The following LPP variants were observed in gnomAD, a reference collection of about 807,000 sequenced individuals.
LPP encodes the protein LIM domain containing preferred translocation partner in lipoma.
A neutral mutation model predicts 60.4 loss-of-function variants in LPP; 38 were observed. That is an observed-to-expected ratio of 0.63 (90% CI 0.49 to 0.83). The LOEUF is 0.83. Ranked by LOEUF, LPP falls within the 40% of genes least tolerant of loss-of-function variation. The pLI is 0.00. For missense variants in LPP, 902 were observed against 783.6 expected, an observed-to-expected ratio of 1.15 and a Z score of -1.80; for synonymous variants, 328 against 290.8, an observed-to-expected ratio of 1.13 and a Z score of -1.30.
intron 4 of LPP, among the ~76,000 whole-genome samples, chr3:188,413,284 T>A (rs1258941087): frequency 6.6e-6 from 1 of 152,154 alleles, no homozygotes; most frequent in South Asian, 2.1e-4. Context: ...CTTTTCCCCA[T>A]GCAAAGAGAA....
At chr3:188,583,210 T>G (rs374415343) in intron 6 of LPP, among the ~76,000 whole-genome samples, 32 of 152,276 alleles carry the variant, frequency 2.1e-4, no homozygotes, top group African/African-American at 7.5e-4. Context: ...ATAGGAACAG[T>G]AATTGAACTT....
At chr3:188,539,154 G>A (rs1824448494) in intron 6 of LPP, among the ~76,000 whole-genome samples, 1 of 152,110 alleles carries the variant, frequency 6.6e-6, no homozygotes, top group Non-Finnish European at 1.5e-5. Context: ...ATATTTTATG[G>A]TATGTGAATC....
At position 188,609,563 on chromosome 3, in the gene LPP, C is replaced by T. The variant is rs1470304067; in HGVS notation, c.832C>T (p.Pro278Ser). ...RGGMDYAYIP[P>S]PGLQPEPGYG... ...AGGCATGGATTATGCCTACATTCCA[C>T]CACCAGGACTTCAGCCGGAGCCTGG... is the stretch of plus-strand genomic sequence containing the variant. The change falls in exon 7 of 12, where the codon CCA becomes TCA. Residue 278 changes from proline to serine, a missense_variant. By Grantham distance (74) the Pro-to-Ser change is moderately conservative. Coordinates refer to ENST00000617246, the MANE Select transcript of LPP (RefSeq NM_001375462.1). The surrounding 1 kb of genome is among the most constrained non-coding windows in gnomAD (Gnocchi z 6.9). 8.1e-6 allele frequency: 13 copies of T among 1,614,196 alleles called. No individual in the cohort carries two copies. The highest frequency in any genetic ancestry group is 1.1e-5 in the Non-Finnish European group (13 of 1,180,040).
At chr3:188,696,330 A>G (rs1004127156) in intron 7 of LPP, among the ~76,000 whole-genome samples, 3 of 152,036 alleles carry the variant, frequency 2.0e-5, no homozygotes, top group African/African-American at 7.3e-5. Flanking sequence ...TAGTTTCTTA[A>G]TTGGTGTAGG....
At chr3:188,603,173 C>A (rs1415860326) in intron 6 of LPP, among the ~76,000 whole-genome samples, 1 of 151,906 alleles carries the variant, frequency 6.6e-6, no homozygotes, top group African/African-American at 2.4e-5. Flanking sequence ...AACTCTTCAG[C>A]TTTATAGTTC....
rs922431550 is a variant in LPP, at chr3:188,468,533, A to G, written c.194-16059A>G. On this transcript the variant is annotated intron_variant, in intron 4 of 11. Coordinates refer to ENST00000617246, the MANE Select transcript of LPP (RefSeq NM_001375462.1). ...GTTCTAATTCCTGTCTAATATGATT[A>G]TTCTGTCAGTTTATAACATTGTGCC... is the stretch of plus-strand genomic sequence containing the variant. Among the ~76,000 whole-genome samples the G allele has an allele frequency of 5.3e-5, 8 of 152,258 alleles. No homozygotes were observed. In the East Asian group the frequency reaches 7.7e-4, roughly 15 times the overall value.
Position 188,889,696 on chromosome 3 carries a change from A to G in LPP, c.*15217A>G, listed in dbSNP as rs188301789. 3.6e-5 allele frequency: 8 copies of G among 222,330 alleles called. No individual in the cohort carries two copies. Among genetic ancestry groups the G allele is most frequent in the South Asian group, 1.8e-4 (1 of 5,436 alleles). The allele number at this position is 222,330 out of a possible 1,614,324, so 13.8% of individuals were successfully genotyped here. A position where few individuals can be genotyped will look rare whatever the true frequency, so the allele number is the denominator to read the frequency against. ...TTCTCTTTTCCATATAAGGAGCCCC[A>G]TTACATAAGCTACGGGTGAGGTTGG... On this transcript the variant is annotated 3_prime_UTR_variant, in exon 12 of 12. Coordinates refer to ENST00000617246, the MANE Select transcript of LPP (RefSeq NM_001375462.1).
intron 9 of LPP, among the ~76,000 whole-genome samples, chr3:188,779,660 A>G (rs1382912945): frequency 1.3e-5 from 2 of 152,068 alleles, no homozygotes; most frequent in Non-Finnish European, 2.9e-5. Flanking sequence ...TTTTTTTTAA[A>G]TAAGTGTAAT....
At chr3:188,263,976 A>G (rs1018115348) in intron 2 of LPP, among the ~76,000 whole-genome samples, 4 of 152,142 alleles carry the variant, frequency 2.6e-5, no homozygotes, top group African/African-American at 9.7e-5. Context: ...TGGAGGGTCT[A>G]CTGTGTGCAA....
At chr3:188,528,858 G>A (rs1168676567) in intron 6 of LPP, among the ~76,000 whole-genome samples, 1 of 152,142 alleles carries the variant, frequency 6.6e-6, no homozygotes, top group Non-Finnish European at 1.5e-5. Context: ...ATCGATGAAA[G>A]CTGGCATCAG....
At chr3:188,821,683 A>G (rs1424095077) in intron 9 of LPP, among the ~76,000 whole-genome samples, 1 of 152,112 alleles carries the variant, frequency 6.6e-6, no homozygotes, top group Non-Finnish European at 1.5e-5. Context: ...TATGGCATAC[A>G]TGTACACGTT....
intron 7 of LPP, among the ~76,000 whole-genome samples, chr3:188,669,030 C>T (rs544652807): frequency 6.6e-6 from 1 of 152,120 alleles, no homozygotes; most frequent in African/African-American, 2.4e-5. Flanking sequence ...CAAGCACGGG[C>T]TCATCAAAAT....
intron 2 of LPP, among the ~76,000 whole-genome samples, chr3:188,309,839 G>C (rs1173569432): frequency 6.6e-6 from 1 of 152,008 alleles, no homozygotes; most frequent in African/African-American, 2.4e-5. Flanking sequence ...GAAGAACTTG[G>C]CTATCGCAAA....
At chr3:188,836,353 T>C (rs536718745) in intron 9 of LPP, among the ~76,000 whole-genome samples, 4 of 152,370 alleles carry the variant, frequency 2.6e-5, no homozygotes, top group African/African-American at 9.6e-5. Context: ...ATAACAATAA[T>C]TGATGCAGGT....
chr3:188,326,031 A>G (rs1758336609), intron 2 of LPP, among the ~76,000 whole-genome samples: 1 of 152,210 alleles, frequency 6.6e-6, no homozygotes, highest in Admixed American at 6.5e-5. Context: ...AGAAGGAAGC[A>G]GTTGTTGGAA....
chr3:188,205,366 C>T (rs1434291275), intron 1 of LPP, among the ~76,000 whole-genome samples: 2 of 150,330 alleles, frequency 1.3e-5, no homozygotes, highest in Admixed American at 6.6e-5. Flanking sequence ...CTGCAACCTC[C>T]GCCCCACCAG....
At chr3:188,767,975 A>T (rs764937433) in intron 9 of LPP, among the ~76,000 whole-genome samples, 6 of 152,202 alleles carry the variant, frequency 3.9e-5, no homozygotes, top group Non-Finnish European at 7.4e-5. Flanking sequence ...TGAAATAAAC[A>T]TTTGGTTAAG....
intron 3 of LPP, among the ~76,000 whole-genome samples, chr3:188,405,642 T>C (rs1416405312): frequency 6.6e-6 from 1 of 152,138 alleles, no homozygotes; most frequent in Non-Finnish European, 1.5e-5. Context: ...TAACCTCACT[T>C]AGGTAACTTA....
intron 9 of LPP, among the ~76,000 whole-genome samples, chr3:188,766,860 A>G (rs16863588): frequency 0.31 from 46,437 of 152,074 alleles, 7,467 homozygotes; most frequent in South Asian, 0.56. Context: ...ACCTGTGGGT[A>G]TGGAAGGATG....
Sources: gnomAD v4.1 joint callset for allele counts (sites outside exome capture counted in the v4.1 genomes callset) on GRCh38, gnomAD v4.1.1 for gene constraint, Gnocchi (gnomAD v3.1) non-coding constraint, MANE v1.5 for transcripts, NCBI Gene and HGNC (gene_info 2026-07-23, HGNC 2026-07-21) for gene names.